LGR5: variants seen among roughly 807,000 people sequenced by gnomAD.
LGR5 encodes the protein leucine-rich repeat-containing G protein-coupled receptor 5.
A neutral mutation model predicts 76.7 loss-of-function variants in LGR5; 54 were observed. The ratio of observed to expected loss-of-function variants is 0.70; its 90% CI spans 0.57 to 0.88. LGR5 has a LOEUF of 0.88. LGR5 is among the 40% of genes least tolerant of loss of function. The pLI is 0.00. For missense variants in LGR5, 1,078 were observed against 1,073.3 expected, an observed-to-expected ratio of 1.00 and a Z score of -0.06; for synonymous variants, 406 against 421.9, an observed-to-expected ratio of 0.96 and a Z score of 0.46.
At chr12:71,545,977 T>A (rs1361746590) in intron 4 of LGR5, among the ~76,000 whole-genome samples, 3 of 152,158 alleles carry the variant, frequency 2.0e-5, no homozygotes, top group African/African-American at 4.8e-5. Context: ...AAGAAAACTT[T>A]AAACACAAAG....
intron 13 of LGR5, among the ~76,000 whole-genome samples, chr12:71,577,098 A>G (rs1031796270): frequency 6.6e-6 from 1 of 152,202 alleles, no homozygotes; most frequent in Non-Finnish European, 1.5e-5. Context: ...GCCCAATATC[A>G]TAAACTTTTC....
intron 1 of LGR5, among the ~76,000 whole-genome samples, chr12:71,498,322 G>A (rs986411128): frequency 1.5e-5 from 2 of 137,766 alleles, no homozygotes; most frequent in African/African-American, 5.2e-5. Context: ...CATTTGTCCA[G>A]GCTGCTACAA....
At chr12:71,554,750 A>G (rs1877672212) in intron 5 of LGR5, among the ~76,000 whole-genome samples, 1 of 152,202 alleles carries the variant, frequency 6.6e-6, no homozygotes, top group Non-Finnish European at 1.5e-5. Flanking sequence ...AAGTGGTTTA[A>G]TTGACAGCAT....
At chr12:71,462,238 G>T (rs1297869300) in intron 1 of LGR5, among the ~76,000 whole-genome samples, 1 of 152,114 alleles carries the variant, frequency 6.6e-6, no homozygotes, top group Non-Finnish European at 1.5e-5. Context: ...ACCCAGCTGT[G>T]CTCCAACAGC....
chr12:71,519,297 A>G (rs1340097072), intron 2 of LGR5, among the ~76,000 whole-genome samples: 7 of 152,156 alleles, frequency 4.6e-5, no homozygotes, highest in African/African-American at 1.7e-4. Flanking sequence ...TGACCATCTT[A>G]TCTGAAATAA....
intron 1 of LGR5, among the ~76,000 whole-genome samples, chr12:71,498,226 G>C (rs1430639342): frequency 6.6e-6 from 1 of 152,176 alleles, no homozygotes; most frequent in Non-Finnish European, 1.5e-5. Context: ...ACTGTGAAAG[G>C]TGAGCAAAAC....
chr12:71,489,270 AC>A (rs1343900224), intron 1 of LGR5, among the ~76,000 whole-genome samples: 3 of 152,272 alleles, frequency 2.0e-5, no homozygotes, highest in Admixed American at 6.5e-5. Flanking sequence ...AACAATTTGA[AC>A]CATTTTATCC....
At chr12:71,563,595 T>C (rs1878168251) in intron 8 of LGR5, among the ~76,000 whole-genome samples, 1 of 152,208 alleles carries the variant, frequency 6.6e-6, no homozygotes, top group Non-Finnish European at 1.5e-5. Flanking sequence ...TTCACCCTAA[T>C]TCATAAACCA....
chr12:71,458,542 A>G (rs983515334), intron 1 of LGR5, among the ~76,000 whole-genome samples: 2 of 152,102 alleles, frequency 1.3e-5, no homozygotes, highest in African/African-American at 4.8e-5. Flanking sequence ...CATTGTTTTA[A>G]AAGTCCTTAA....
At chr12:71,450,354 A>T (rs1256936010) in intron 1 of LGR5, among the ~76,000 whole-genome samples, 4 of 152,258 alleles carry the variant, frequency 2.6e-5, no homozygotes, top group African/African-American at 9.6e-5. Context: ...GTAAATACAG[A>T]CACAGTGTCT....
At chr12:71,490,529 T>G (rs2137277955) in intron 1 of LGR5, among the ~76,000 whole-genome samples, 1 of 152,324 alleles carries the variant, frequency 6.6e-6, no homozygotes, top group East Asian at 1.9e-4. Context: ...GATGTTAGTC[T>G]GCTTGGGTCT....
chr12:71,509,258 G>A (rs924273457), intron 2 of LGR5, among the ~76,000 whole-genome samples: 2 of 152,158 alleles, frequency 1.3e-5, no homozygotes, highest in Admixed American at 6.5e-5. Context: ...CAAATGAAAG[G>A]ATGATGAAAG....
At chr12:71,516,727 AC>A (rs1875461699) in intron 2 of LGR5, among the ~76,000 whole-genome samples, 1 of 152,218 alleles carries the variant, frequency 6.6e-6, no homozygotes, top group Non-Finnish European at 1.5e-5. Context: ...TTTTTACAGC[AC>A]CAAAACATCT....
chr12:71,562,890 G>T (rs1396031843), intron 8 of LGR5, among the ~76,000 whole-genome samples: 1 of 152,264 alleles, frequency 6.6e-6, no homozygotes, highest in African/African-American at 2.4e-5. Flanking sequence ...GTCCCAATTA[G>T]CCTTGACAAC....
At chr12:71,443,158 G>A (rs1871841202) in intron 1 of LGR5, among the ~76,000 whole-genome samples, 1 of 152,212 alleles carries the variant, frequency 6.6e-6, no homozygotes, top group Admixed American at 6.5e-5. Flanking sequence ...AGTTCCAGCT[G>A]TACACATTTG....
chr12:71,540,358 T>C (rs1326921766), intron 4 of LGR5, among the ~76,000 whole-genome samples: 1 of 152,184 alleles, frequency 6.6e-6, no homozygotes, highest in Non-Finnish European at 1.5e-5. Flanking sequence ...GCAAAGGTAA[T>C]AGGTTGGCAA....
At chr12:71,566,509 C>A (rs148218887) in intron 9 of LGR5, 34 bp downstream of exon 9, 1 of 1,557,306 alleles carries the variant, frequency 6.4e-7, no homozygotes, top group African/African-American at 1.4e-5. Flanking sequence ...ATCACTTTCC[C>A]TCTACAGGGT....
At position 71,584,297 on chromosome 12, in the gene LGR5, T is replaced by G; in HGVS notation, c.2287T>G (p.Ser763Ala). ...KGDLENIWDC[S>A]MVKHIALLLF... ...AGACCTGGAGAATATTTGGGACTGC[T>G]CTATGGTAAAACACATTGCCCTGTT... Residue 763 changes from serine (S) to alanine (A), a missense_variant, in exon 18 of 18, where the codon TCT (serine) becomes GCT (alanine). By Grantham distance (99) the Ser-to-Ala change is moderately conservative. Transcript: ENST00000266674. The G allele has an allele frequency of 6.2e-7, 1 of 1,614,206 alleles. No individual in the cohort carries two copies.
intron 3 of LGR5, among the ~76,000 whole-genome samples, chr12:71,525,616 T>C (rs909432115): frequency 6.6e-6 from 1 of 151,928 alleles, no homozygotes; most frequent in African/African-American, 2.4e-5. Flanking sequence ...TTTTCCCATG[T>C]TGAGCTATGT....
Sources: gnomAD v4.1 joint callset for allele counts (sites outside exome capture counted in the v4.1 genomes callset) on GRCh38, gnomAD v4.1.1 for gene constraint, MANE v1.5 for transcripts, NCBI Gene and HGNC (gene_info 2026-07-23, HGNC 2026-07-21) for gene names.